The following GSDMD variants were observed in gnomAD, a reference collection of about 807,000 sequenced individuals.
GSDMD encodes the protein gasdermin D, also known as gasdermin-D.
GSDMD carries 46 observed loss-of-function variants against 46.7 expected under a neutral mutation model. The observed-to-expected ratio is 0.99, with a 90% CI of 0.78 to 1.26. The LOEUF is 1.26. Among genes scored for constraint, GSDMD ranks in the 50% most tolerant of loss-of-function variants. The pLI is 0.00. For missense variants in GSDMD, 649 were observed against 638.8 expected (o/e 1.02, Z -0.17); for synonymous variants, 307 against 283.1 (o/e 1.08, Z -0.85).
rs752778491 is a variant in GSDMD at position 143,559,530 on chromosome 8, G to A, written c.195G>A (p.Leu65=). Residue 65 remains leucine, a synonymous_variant, in exon 2 of 11, where the codon CTG becomes CTA. Transcript: ENST00000262580. The part of the protein sequence containing the change: ...KCVNLSIKDI[L]EPDAAEPDVQ... Reference sequence around the variant, plus strand: ...TCAACCTGTCTATCAAGGACATCCTGGAGCCGGATGCCGCGGAACCAGGTG... The same window carrying A: ...TCAACCTGTCTATCAAGGACATCCTAGAGCCGGATGCCGCGGAACCAGGTG... The A allele has an allele frequency of 4.3e-6, 7 of 1,612,602 alleles. No homozygotes were observed. In the Admixed American group the frequency reaches 5.0e-5, roughly 12 times the overall value.
rs201834980 is a variant in GSDMD at position 143,559,500 on chromosome 8, G to A, written c.165G>A (p.Lys55=). The change falls in exon 2 of 11, where the codon AAG becomes AAA. Residue 55 remains lysine (K), a synonymous_variant. Transcript: ENST00000262580. ...SSSWFWKPRY[K]CVNLSIKDIL... ...CATGGTTCTGGAAACCCCGTTATAA[G>A]TGTGTCAACCTGTCTATCAAGGACA... 3.2e-5 allele frequency: 51 copies of A among 1,612,914 alleles called. No individual in the cohort carries two copies. The highest frequency in any genetic ancestry group is 3.9e-5 in the Non-Finnish European group (46 of 1,180,000).
intron 1 of GSDMD, 52 bp from the exon 2 acceptor site, chr8:143,559,280 T>TGCCCCA: frequency 1.7e-6 from 1 of 579,430 alleles, no homozygotes. Context: ...CTTCTCCCAC[T>TGCCCCA]CCCTCCCGCC....
At chr8:143,555,929 T>C (rs1178635849), upstream of GSDMD, 1 of 152,080 alleles carries the variant, frequency 6.6e-6, no homozygotes, top group African/African-American at 2.4e-5. Context: ...TTTAAAAACT[T>C]ACAGCCAGGT....
chr8:143,559,064 T>C (rs907916278), intron 1 of GSDMD: 18 of 588,568 alleles, frequency 3.1e-5, no homozygotes, highest in Non-Finnish European at 5.2e-5. Context: ...GCCCTCTGTG[T>C]TAGAGCAGGT....
upstream of GSDMD, chr8:143,558,149 G>T: frequency 1.6e-6 from 1 of 614,994 alleles, no homozygotes; most frequent in Non-Finnish European, 2.7e-6. Context: ...CCGGGCACAG[G>T]CTCAGAGTTT....
chr8:143,560,921 C>G, intron 4 of GSDMD, 81 bp from the exon 5 acceptor site: 1 of 1,458,468 alleles, frequency 6.9e-7, no homozygotes, highest in Non-Finnish European at 9.3e-7. Flanking sequence ...TGGCGGCGGG[C>G]CTGCCCCCGG....
chr8:143,557,340 A>AGGATGATGCCGCTGTGACGAC (rs1563902644), upstream of GSDMD, among the ~76,000 whole-genome samples: 11 of 140,750 alleles, frequency 7.8e-5, no homozygotes, highest in East Asian at 2.0e-4. Flanking sequence ...GCTATGGTGA[A>AGGATGATGCCGCTGTGACGAC]GGATGCTGCC....
At position 143,558,406 on chromosome 8, in the gene GSDMD, G is replaced by C; in HGVS notation, c.-50G>C. ...CTGCTCGCCGGACGGCTCCCAGGGA[G>C]AGCAGACGCGCCAGACGCGCCACCC... is the stretch of plus-strand genomic sequence containing the variant. On this transcript the variant is annotated 5_prime_UTR_variant, in exon 1 of 11. Transcript: ENST00000262580. 2 of 1,512,178 alleles carry C rather than the reference G, an allele frequency of 1.3e-6. No homozygotes were observed. Among genetic ancestry groups the C allele is most frequent in the South Asian group, 1.2e-5 (1 of 82,252 alleles). 93.7% of individuals were successfully genotyped at this position (1,512,178 alleles called of 1,614,324 possible). A position where few individuals can be genotyped will look rare whatever the true frequency, so the allele number is the denominator to read the frequency against.
Position 143,562,335 on chromosome 8 carries a change from C to G in GSDMD, c.1123C>G (p.Leu375Val). The G allele has an allele frequency of 7.8e-7, 1 of 1,284,492 alleles. No individual in the cohort carries two copies. The highest frequency in any genetic ancestry group is 1.0e-6 in the Non-Finnish European group (1 of 985,476). 79.6% of individuals were successfully genotyped at this position (1,284,492 alleles called of 1,614,324 possible). The change falls in exon 9 of 11, where the codon CTG (leucine) becomes GTG (valine). Residue 375 changes from leucine to valine, a missense_variant. Coordinates refer to ENST00000262580, the MANE Select transcript of GSDMD (RefSeq NM_024736.7). ...PELAIPVVYL[L>V]GALTMLSETQ... ...ACTCGCTATCCCTGTTGTCTACCTG[C>G]TGGGGGCACTGACCAGTGAGCGGCC...
chr8:143,554,424 G>A (rs1029633072), upstream of GSDMD, among the ~76,000 whole-genome samples: 1 of 147,672 alleles, frequency 6.8e-6, no homozygotes, highest in South Asian at 2.2e-4. Flanking sequence ...GTATGCACAC[G>A]CGCACAAACA....
chr8:143,559,859 A>C lies in GSDMD; in HGVS notation c.300A>C (p.Gly100=), dbSNP rs777501236. The change falls in exon 3 of 11, where the codon GGA becomes GGC. Residue 100 remains glycine (G), a synonymous_variant. Coordinates refer to ENST00000262580, the MANE Select transcript of GSDMD (RefSeq NM_024736.7). ...IQGSVELAAP[G]QAKIAGGAAV... is the part of the protein sequence containing the mutation. Reference sequence around the variant, plus strand: ...GCAGCGTGGAGCTGGCAGCCCCAGGACAGGCAAAGATCGCAGGCGGGGCCG... The same window carrying C: ...GCAGCGTGGAGCTGGCAGCCCCAGGCCAGGCAAAGATCGCAGGCGGGGCCG... 5.6e-6 allele frequency: 9 copies of C among 1,612,810 alleles called. No individual in the cohort carries two copies. The Admixed American group carries it at 1.3e-4, about 24-fold the overall frequency.
At chr8:143,555,782 T>C (rs560518621), upstream of GSDMD, among the ~76,000 whole-genome samples, 1 of 152,250 alleles carries the variant, frequency 6.6e-6, no homozygotes, top group East Asian at 1.9e-4. Flanking sequence ...TGCAAAACAG[T>C]ACCCAAGCCC....
In GSDMD at chr8:143,562,741, G is replaced by A. The variant is rs1386325603; in HGVS notation, c.1292G>A (p.Ser431Asn). The A allele has an allele frequency of 6.3e-7, 1 of 1,587,274 alleles. No homozygotes were observed. The highest frequency in any genetic ancestry group is 2.3e-5 in the East Asian group (1 of 43,226). The change falls in exon 11 of 11, where the codon AGC becomes AAC. Residue 431 changes from serine to asparagine, a missense_variant. Transcript: ENST00000262580. ...CTGCCCCCCGGGCTCCTGGGGAACA[G>A]CTGGGGCGAAGGAGCACCGGCCTGG... ...MSLPPGLLGNSWGEGAPAWVL... is the reference protein window; with the variant it reads ...MSLPPGLLGNNWGEGAPAWVL...
In GSDMD at chr8:143,559,809, G is replaced by C; in HGVS notation, c.250G>C (p.Asp84His). The change falls in exon 3 of 11, where the codon GAT becomes CAT. Residue 84 changes from aspartate (D) to histidine (H), a missense_variant. Physicochemically the swap from Asp to His is moderately conservative, Grantham distance 81. Transcript: ENST00000262580. ...VQRGRSFHFYDAMDGQIQGSV... is the reference protein window; with the variant it reads ...VQRGRSFHFYHAMDGQIQGSV... Reference sequence around the variant, plus strand: ...GCGTGGCAGGAGCTTCCACTTCTACGATGCCATGGATGGGCAGATACAGGG... The same window carrying C: ...GCGTGGCAGGAGCTTCCACTTCTACCATGCCATGGATGGGCAGATACAGGG... 1 of 1,608,620 alleles carries C rather than the reference G, an allele frequency of 6.2e-7. No individual in the cohort carries two copies. The highest frequency in any genetic ancestry group is 8.5e-7 in the Non-Finnish European group (1 of 1,177,842).
rs775956565 is a variant in GSDMD at position 143,562,688 on chromosome 8, C to G, written c.1239C>G (p.Ala413=). 4 of 1,605,390 alleles carry G rather than the reference C, an allele frequency of 2.5e-6. No homozygotes were observed. In the African/African-American group the frequency reaches 5.4e-5, roughly 21 times the overall value. The part of the protein sequence containing the change: ...ELVGSLLEQS[A]PWQERSTMSL... ...TGGGCAGCCTCTTGGAGCAGAGTGC[C>G]CCGTGGCAGGAGCGCAGCACCATGT... Residue 413 remains alanine, a synonymous_variant, in exon 11 of 11, where the codon GCC becomes GCG. Coordinates refer to ENST00000262580, the MANE Select transcript of GSDMD (RefSeq NM_024736.7).
chr8:143,556,455 G>A (rs1823298030), upstream of GSDMD, among the ~76,000 whole-genome samples: 1 of 152,188 alleles, frequency 6.6e-6, no homozygotes, highest in Non-Finnish European at 1.5e-5. Context: ...TGACAGGAGG[G>A]GATCACTTGA....
chr8:143,558,471 CT>C lies in GSDMD; in HGVS notation c.-5+21del. The C allele has an allele frequency of 6.8e-7, 1 of 1,463,676 alleles. No individual in the cohort carries two copies. The highest frequency in any genetic ancestry group is 9.0e-7 in the Non-Finnish European group (1 of 1,113,652). The allele number at this position is 1,463,676 out of a possible 1,614,324, so 90.7% of individuals were successfully genotyped here. A position where few individuals can be genotyped will look rare whatever the true frequency, so the allele number is the denominator to read the frequency against. On this transcript the variant is annotated intron_variant, in intron 1 of 10. Transcript: ENST00000262580. Reference sequence around the variant, plus strand: ...GTCACGGTGAGCTGCGCCCCGCCCCCTCCCCCGGCCTGGCTGGAGCTCCCGA... The same window carrying C: ...GTCACGGTGAGCTGCGCCCCGCCCCCCCCCCGGCCTGGCTGGAGCTCCCGA...
At chr8:143,558,326 G>C, upstream of GSDMD, 1 of 1,522,884 alleles carries the variant, frequency 6.6e-7, no homozygotes, top group Non-Finnish European at 8.8e-7. Flanking sequence ...GGGCGTCCTG[G>C]GCGGGCCCTG....
chr8:143,562,094 T>TC lies in GSDMD; in HGVS notation c.959_960insC (p.Arg321AlafsTer63). ...CTGCTGGAGGGCCTGGAGGGGGTGC[T>TC]GCGGGACCAGCTGGCCCTGCGAGCC... On this transcript the variant is annotated frameshift_variant, in exon 8 of 11. Transcript: ENST00000262580. LOFTEE classifies it high-confidence loss of function. 1 of 1,596,888 alleles carries TC rather than the reference T, an allele frequency of 6.3e-7. No individual in the cohort carries two copies.
Sources: allele counts gnomAD v4.1 joint callset (sites outside exome capture counted in the v4.1 genomes callset), GRCh38; gene constraint gnomAD v4.1.1; transcripts MANE v1.5; gene names NCBI Gene and HGNC (gene_info 2026-07-23, HGNC 2026-07-21).